MESP1: variants seen among roughly 807,000 people sequenced by gnomAD.
MESP1 encodes mesoderm posterior bHLH transcription factor 1, also known as mesoderm posterior protein 1.
A neutral mutation model predicts 15.2 loss-of-function variants in MESP1; 22 were observed. That is an observed-to-expected ratio of 1.45 (90% CI 1.04 to 2.07). The LOEUF (loss-of-function observed/expected upper bound fraction) is 2.07, where lower values mean the gene tolerates loss of function less well. Among genes scored for constraint, MESP1 ranks in the 30% most tolerant of loss-of-function variants. The pLI is 0.00. For synonymous variants in MESP1, 216 were observed against 192.6 expected (o/e 1.12, Z -1.01); for missense variants, 484 against 411.9 (o/e 1.17, Z -1.51).
rs1302573027 is a variant in MESP1, at chr15:89,750,864, A to T, written c.368T>A (p.Ile123Asn). 1 of 1,529,530 alleles carries T rather than the reference A, an allele frequency of 6.5e-7. No individual in the cohort carries two copies. Among genetic ancestry groups the T allele is most frequent in the Non-Finnish European group, 8.7e-7 (1 of 1,143,498 alleles). The allele number at this position is 1,529,530 out of a possible 1,614,324, so 94.7% of individuals were successfully genotyped here. The stretch of plus-strand genomic sequence containing the variant: ...GCGGATAGCCAGGCGCAGCGTCTCG[A>T]TCTTGGTCAGGCTCTGGCCCGCGGG... The part of the protein sequence containing the change: ...VAPAGQSLTK[I>N]ETLRLAIRYI... The change falls in exon 1 of 2, where the codon ATC becomes AAC. Residue 123 changes from isoleucine to asparagine, a missense_variant. Coordinates refer to ENST00000300057, the MANE Select transcript of MESP1 (RefSeq NM_018670.4).
chr15:89,734,802 T>C, the MESP1 span, among the ~76,000 whole-genome samples: 1 of 151,150 alleles, frequency 6.6e-6, no homozygotes, highest in African/African-American at 2.4e-5. Flanking sequence ...CTGGGTAACA[T>C]AGTGAGACCC....
chr15:89,743,177 G>A, the MESP1 span: 2 of 975,590 alleles, frequency 2.1e-6, no homozygotes, highest in Non-Finnish European at 3.2e-6. Context: ...GGCGATGCAG[G>A]TGTGTCCTCT....
chr15:89,737,408 G>T, the MESP1 span, among the ~76,000 whole-genome samples: 1 of 152,218 alleles, frequency 6.6e-6, no homozygotes, highest in Non-Finnish European at 1.5e-5. Context: ...AAGCACACAT[G>T]TGTGTGCAGG....
chr15:89,733,512 T>C, the MESP1 span, among the ~76,000 whole-genome samples: 3 of 152,118 alleles, frequency 2.0e-5, no homozygotes, highest in South Asian at 2.1e-4. Context: ...TAGGAGATGA[T>C]TGGATCATGA....
chr15:89,746,478 T>TGCCTCTACACACACAGCCCC (rs1967958076), downstream of MESP1, among the ~76,000 whole-genome samples: 2 of 115,090 alleles, frequency 1.7e-5, no homozygotes, highest in African/African-American at 3.4e-5. Context: ...CACACAGCCC[T>TGCCTCTACACACACAGCCCC]GCCTCTACAC....
Position 89,751,075 on chromosome 15 carries a change from C to CACGGGGCTGTCGG in MESP1, c.156_157insCCGACAGCCCCGT (p.Ala53ProfsTer23), listed in dbSNP as rs763577487. 4.6e-5 allele frequency: 60 copies of CACGGGGCTGTCGG among 1,316,454 alleles called. No individual in the cohort carries two copies. The highest frequency in any genetic ancestry group is 5.4e-5 in the Non-Finnish European group (56 of 1,037,870). The allele number at this position is 1,316,454 out of a possible 1,614,324, so 81.5% of individuals were successfully genotyped here. On this transcript the variant is annotated frameshift_variant, in exon 1 of 2. Coordinates refer to ENST00000300057, the MANE Select transcript of MESP1 (RefSeq NM_018670.4). LOFTEE classifies it high-confidence loss of function. The stretch of plus-strand genomic sequence containing the variant: ...AGGGTGCCTGGCCGCGCGGGGCTCG[C>CACGGGGCTGTCGG]CACGGGGCTGTCGGCTGGGGTGCTG...
At chr15:89,742,056 T>C in the MESP1 span, among the ~76,000 whole-genome samples, 1 of 151,158 alleles carries the variant, frequency 6.6e-6, no homozygotes, top group Non-Finnish European at 1.5e-5. Context: ...CGGCCTCCAA[T>C]ACATTTTTAA....
At chr15:89,735,470 G>A in the MESP1 span, 1 of 1,612,944 alleles carries the variant, frequency 6.2e-7, no homozygotes, top group African/African-American at 1.3e-5. Context: ...GAGAATGTCT[G>A]TATATTTTCT....
chr15:89,734,966 T>TTCCTTCCTTCCGTCCGTCCC, the MESP1 span, among the ~76,000 whole-genome samples: 1 of 151,946 alleles, frequency 6.6e-6, no homozygotes, highest in Admixed American at 6.5e-5. Flanking sequence ...CTTGTCTTCC[T>TTCCTTCCTTCCGTCCGTCCC]TCCTTCCTTC....
downstream of MESP1, among the ~76,000 whole-genome samples, chr15:89,745,779 C>T (rs180891160): frequency 2.6e-4 from 40 of 151,986 alleles, no homozygotes; most frequent in Middle Eastern, 3.4e-3. This position sits in a 1 kb window ranked among gnomAD's most constrained non-coding sequence, Gnocchi z 4.8. Flanking sequence ...AAAAAAGAAC[C>T]TTATGTCTTC....
At chr15:89,737,684 C>T in the MESP1 span, 1 of 1,614,182 alleles carries the variant, frequency 6.2e-7, no homozygotes. Context: ...CCCCTGGAAG[C>T]CAGTGTTTGC....
the MESP1 span, chr15:89,737,658 C>G: frequency 4.3e-6 from 7 of 1,614,076 alleles, no homozygotes; most frequent in African/African-American, 1.3e-5. Flanking sequence ...CCTCCGGGAG[C>G]CTTTCCTCTG....
chr15:89,750,611 G>A lies in MESP1; in HGVS notation c.621C>T (p.Cys207=). The A allele has an allele frequency of 3.6e-6, 5 of 1,394,490 alleles. No homozygotes were observed. Among genetic ancestry groups the A allele is most frequent in the South Asian group, 1.6e-5 (1 of 61,530 alleles). 86.4% of individuals were successfully genotyped at this position (1,394,490 alleles called of 1,614,324 possible). A position where few individuals can be genotyped will look rare whatever the true frequency, so the allele number is the denominator to read the frequency against. The change falls in exon 1 of 2, where the codon TGC becomes TGT. Residue 207 remains cysteine, a synonymous_variant. Coordinates refer to ENST00000300057, the MANE Select transcript of MESP1 (RefSeq NM_018670.4). ...AGASWGSPPA[C]PGARAAPEPR... is the part of the protein sequence containing the mutation. Reference sequence around the variant, plus strand: ...GCTCGGGTGCAGCTCGGGCTCCGGGGCAGGCAGGCGGGGATCCCCAGGACG... The same window carrying A: ...GCTCGGGTGCAGCTCGGGCTCCGGGACAGGCAGGCGGGGATCCCCAGGACG...
At chr15:89,741,181 T>C in the MESP1 span, among the ~76,000 whole-genome samples, 1 of 152,232 alleles carries the variant, frequency 6.6e-6, no homozygotes, top group Non-Finnish European at 1.5e-5. Context: ...CTTTATTTGC[T>C]ATTACACATA....
downstream of MESP1, among the ~76,000 whole-genome samples, chr15:89,748,326 G>A (rs906753017): frequency 5.3e-5 from 8 of 152,278 alleles, no homozygotes; most frequent in Admixed American, 1.3e-4. Context: ...GTCCCACCCC[G>A]CTGCAGGCCT....
the MESP1 span, among the ~76,000 whole-genome samples, chr15:89,744,573 T>C: frequency 1.3e-5 from 2 of 152,218 alleles, no homozygotes; most frequent in Non-Finnish European, 2.9e-5. Context: ...GAAACATAGA[T>C]GTTATTGTTA....
At chr15:89,743,718 A>G in the MESP1 span, 2 of 306,384 alleles carry the variant, frequency 6.5e-6, no homozygotes, top group Non-Finnish European at 6.2e-6. Context: ...GGTTTCAACC[A>G]GAGTCCTCGG....
At chr15:89,737,763 C>T in the MESP1 span, 2 of 1,612,670 alleles carry the variant, frequency 1.2e-6, no homozygotes, top group South Asian at 1.1e-5. Context: ...TGCCCACTGA[C>T]CATTTCCCTG....
chr15:89,737,672 G>T, the MESP1 span: 8 of 1,614,050 alleles, frequency 5.0e-6, no homozygotes, highest in Non-Finnish European at 5.9e-6. Flanking sequence ...TCCTCTGGAG[G>T]TCCCCTGGAA....
Sources: allele counts gnomAD v4.1 joint callset (sites outside exome capture counted in the v4.1 genomes callset), GRCh38; gene constraint gnomAD v4.1.1; non-coding constraint Gnocchi (gnomAD v3.1); transcripts MANE v1.5; gene names NCBI Gene and HGNC (gene_info 2026-07-23, HGNC 2026-07-21).